Variants in SPICE1 observed in about 807,000 individuals in gnomAD.
SPICE1 encodes spindle and centriole associated protein 1.
SPICE1 carries 75 observed loss-of-function variants against 102.7 expected under a neutral mutation model. That is an observed-to-expected ratio of 0.73 (90% CI 0.61 to 0.88). SPICE1 has a LOEUF of 0.88. Ranked by LOEUF, SPICE1 falls within the 40% of genes least tolerant of loss-of-function variation. The probability of loss-of-function intolerance (pLI) is 0.00; values close to 1 mark genes in which losing one functional copy is unlikely to be tolerated. For missense variants in SPICE1, 979 were observed against 1,020.1 expected, an observed-to-expected ratio of 0.96 and a Z score of 0.55; for synonymous variants, 308 against 350.3, an observed-to-expected ratio of 0.88 and a Z score of 1.35.
chr3:113,505,276 A>C (rs1250315838), intron 2 of SPICE1, among the ~76,000 whole-genome samples: 1 of 152,106 alleles, frequency 6.6e-6, no homozygotes, highest in East Asian at 1.9e-4. Flanking sequence ...TAAACTTCTC[A>C]AAGTAACCAC....
rs763197904 is a variant in SPICE1 at position 113,468,126 on chromosome 3, C to T, written c.1155+13G>A. On this transcript the variant is annotated intron_variant, in intron 10 of 17. Coordinates refer to ENST00000295872, the MANE Select transcript of SPICE1 (RefSeq NM_144718.4). ...TGCCTGAAAAGAAGACTCTACTAAC[C>T]TAATGTCCTTACCTCTTTAAGGTAC... The T allele has an allele frequency of 6.2e-7, 1 of 1,612,804 alleles. No individual in the cohort carries two copies. The highest frequency in any genetic ancestry group is 1.1e-5 in the South Asian group (1 of 90,890).
rs1386745340 is a variant in SPICE1, at chr3:113,450,503, G to A, written c.2156C>T (p.Ala719Val). 6.3e-7 allele frequency: 1 copy of A among 1,594,626 alleles called. No homozygotes were observed. Among genetic ancestry groups the A allele is most frequent in the South Asian group, 1.1e-5 (1 of 88,678 alleles). ...ASDMTSTFPV[A>V]QSLTPGSMEE... ...CATACTACCTGGTGTTAGAGACTGT[G>A]CTACTGGAAAAGTCTTTGGGAGAAA... is the stretch of plus-strand genomic sequence containing the variant. The change falls in exon 15 of 18, where the codon GCA (alanine) becomes GTA (valine). Residue 719 changes from alanine to valine, a missense_variant. Coordinates refer to ENST00000295872, the MANE Select transcript of SPICE1 (RefSeq NM_144718.4).
At chr3:113,514,267 A>G in intron 1 of SPICE1, 2 of 176,160 alleles carry the variant, frequency 1.1e-5, no homozygotes, top group Non-Finnish European at 2.4e-5. Context: ...GAATTTTAAA[A>G]GGGATAGTTA....
At chr3:113,458,946 T>C (rs1310299190) in intron 12 of SPICE1, among the ~76,000 whole-genome samples, 5 of 152,124 alleles carry the variant, frequency 3.3e-5, no homozygotes, top group East Asian at 1.9e-4. Flanking sequence ...GAACGGGCCA[T>C]GATGACGATG....
intron 11 of SPICE1, among the ~76,000 whole-genome samples, chr3:113,463,082 A>G (rs1367383345): frequency 6.6e-6 from 1 of 152,062 alleles, no homozygotes. Flanking sequence ...TCTCTCAGCT[A>G]CCCACATGCT....
At chr3:113,476,109 A>G (rs75609384) in intron 7 of SPICE1, among the ~76,000 whole-genome samples, 27,039 of 151,678 alleles carry the variant, frequency 0.18, 3,079 homozygotes, top group East Asian at 0.42. Flanking sequence ...AAATCAATGT[A>G]CAAAAATCAC....
chr3:113,507,491 T>TAA (rs200097887), intron 1 of SPICE1, among the ~76,000 whole-genome samples: 1 of 151,588 alleles, frequency 6.6e-6, no homozygotes, highest in Non-Finnish European at 1.5e-5. Flanking sequence ...TACTTTTTTT[T>TAA]AAAAAAAAAT....
At chr3:113,505,459 A>G (rs1937090443) in intron 2 of SPICE1, among the ~76,000 whole-genome samples, 1 of 152,202 alleles carries the variant, frequency 6.6e-6, no homozygotes, top group Non-Finnish European at 1.5e-5. Context: ...TTTGCCCAGG[A>G]TATCTGGCTA....
In SPICE1 at chr3:113,453,758, G is replaced by C. The variant is rs1216511816; in HGVS notation, c.1850C>G (p.Thr617Ser). The C allele has an allele frequency of 6.2e-7, 1 of 1,614,140 alleles. No individual in the cohort carries two copies. The highest frequency in any genetic ancestry group is 8.5e-7 in the Non-Finnish European group (1 of 1,180,024). ...TGAGAGGTTAACAAAAGGAGCCTGA[G>C]TTTTGTTCTCCAAATCTTCTCCCAT... is the stretch of plus-strand genomic sequence containing the variant. ...SHMGEDLENK[T>S]QAPFVNLSQP... The change falls in exon 14 of 18, where the codon ACT becomes AGT. Residue 617 changes from threonine to serine, a missense_variant. Thr to Ser is a moderately conservative substitution (Grantham distance 58). Coordinates refer to ENST00000295872, the MANE Select transcript of SPICE1 (RefSeq NM_144718.4).
chr3:113,511,751 C>A (rs980072141), intron 1 of SPICE1, among the ~76,000 whole-genome samples: 5 of 151,902 alleles, frequency 3.3e-5, no homozygotes, highest in African/African-American at 1.2e-4. Flanking sequence ...ACATACCGCA[C>A]GTGTACCCTA....
At chr3:113,508,099 G>A (rs1399369319) in intron 1 of SPICE1, among the ~76,000 whole-genome samples, 7 of 152,100 alleles carry the variant, frequency 4.6e-5, no homozygotes, top group Non-Finnish European at 8.8e-5. Context: ...AATGAAGTTG[G>A]ACTCCTACCT....
chr3:113,491,624 C>CAAAAAAAAAAAAAAAA lies in SPICE1; in HGVS notation c.492+1566_492+1581dup, dbSNP rs869171154. On this transcript the variant is annotated intron_variant, in intron 6 of 17. Coordinates refer to ENST00000295872, the MANE Select transcript of SPICE1 (RefSeq NM_144718.4). Reference sequence around the variant, plus strand: ...TGGGCGACAGAGCGAGACTCCGTCTCAAAAAAAAAAAAAAAAAAAAAAAAA... The same window carrying CAAAAAAAAAAAAAAAA: ...TGGGCGACAGAGCGAGACTCCGTCTCAAAAAAAAAAAAAAAAAAAAAAAAAAAAAAAAAAAAAAAAA... 2.6e-4 allele frequency among the ~76,000 whole-genome samples: 10 copies of CAAAAAAAAAAAAAAAA among 38,108 alleles called. 1 individual carries two copies. The highest frequency in any genetic ancestry group is 3.4e-4 in the Non-Finnish European group (6 of 17,798). The allele number at this position is 38,108 out of a possible 152,430, so 25.0% of individuals were successfully genotyped here.
At chr3:113,489,170 T>C in intron 6 of SPICE1, 107 bp from the exon 7 acceptor site, 2 of 648,172 alleles carry the variant, frequency 3.1e-6, no homozygotes, top group Non-Finnish European at 5.4e-6. Context: ...TCCTAAGCCC[T>C]CCACATGTTG....
rs375350161 is a variant in SPICE1, at chr3:113,471,938, G to A, written c.612-2700C>T. Among the ~76,000 whole-genome samples the A allele has an allele frequency of 6.6e-5, 10 of 152,328 alleles. No homozygotes were observed. The South Asian group carries it at 1.0e-3, about 16-fold the overall frequency. ...CACTAGGGAGTGCCAGACGGTGAGC[G>A]CAGGACAGTGGGTGCAGTGCACCGT... On this transcript the variant is annotated intron_variant, in intron 7 of 17. Transcript: ENST00000295872.
chr3:113,494,497 A>G (rs1305247831), intron 4 of SPICE1, among the ~76,000 whole-genome samples: 42 of 151,894 alleles, frequency 2.8e-4, no homozygotes, highest in Non-Finnish European at 1.8e-4. Flanking sequence ...AATACAAAAA[A>G]TTAGCCGGGC....
At chr3:113,475,278 A>T (rs1055120312) in intron 7 of SPICE1, among the ~76,000 whole-genome samples, 11 of 152,288 alleles carry the variant, frequency 7.2e-5, no homozygotes, top group Admixed American at 2.6e-4. Flanking sequence ...GCTCTGAAAT[A>T]GTGGCAATAA....
intron 1 of SPICE1, among the ~76,000 whole-genome samples, chr3:113,512,076 A>G (rs1299713372): frequency 2.0e-5 from 3 of 152,264 alleles, no homozygotes; most frequent in African/African-American, 7.2e-5. Flanking sequence ...ACTCCAGATG[A>G]GAATGCATAC....
intron 1 of SPICE1, 63 bp from the exon 2 acceptor site, chr3:113,506,668 T>C (rs1937119177): frequency 3.8e-6 from 5 of 1,305,662 alleles, no homozygotes; most frequent in Non-Finnish European, 5.4e-6. Context: ...ATCACCAGAG[T>C]GGGGGAAGAC....
chr3:113,459,903 A>T (rs74715464), intron 12 of SPICE1: 1 of 984,618 alleles, frequency 1.0e-6, no homozygotes, highest in South Asian at 4.7e-5. Context: ...AAAAAAAAAA[A>T]TAGCAAGACT....
Sources: gnomAD v4.1 joint callset for allele counts (sites outside exome capture counted in the v4.1 genomes callset) on GRCh38, gnomAD v4.1.1 for gene constraint, MANE v1.5 for transcripts, NCBI Gene and HGNC (gene_info 2026-07-23, HGNC 2026-07-21) for gene names.